PHACTR1: variants seen among roughly 807,000 people sequenced by gnomAD.
PHACTR1 encodes the protein RPEL repeat containing 1.
Under a neutral mutation model 69.2 loss-of-function variants are expected in PHACTR1, and 16 were observed. The observed-to-expected ratio is 0.23, with a 90% CI of 0.16 to 0.35. PHACTR1 has a LOEUF of 0.35. Among genes scored for constraint, PHACTR1 ranks in the 10% least tolerant of loss-of-function variants. The pLI, the probability that PHACTR1 is intolerant of heterozygous loss-of-function variation, is 1.00. For missense variants in PHACTR1, 510 were observed against 734.7 expected, an observed-to-expected ratio of 0.69 and a Z score of 3.54; for synonymous variants, 312 against 284.5, an observed-to-expected ratio of 1.10 and a Z score of -0.97.
At chr6:12,888,473 T>G (rs2127465052) in intron 4 of PHACTR1, among the ~76,000 whole-genome samples, 1 of 152,328 alleles carries the variant, frequency 6.6e-6, no homozygotes, top group South Asian at 2.1e-4. Context: ...AAGTTTTGAA[T>G]GGAAATCCAC....
chr6:13,251,573 C>T lies in PHACTR1; in HGVS notation c.1392-21287C>T, dbSNP rs145976030. Among the ~76,000 whole-genome samples, 37 of 151,934 alleles carry T rather than the reference C, an allele frequency of 2.4e-4. No homozygotes were observed. The East Asian group carries it at 5.0e-3, about 21-fold the overall frequency. On this transcript the variant is annotated intron_variant, in intron 10 of 14. Coordinates refer to ENST00000332995, the MANE Select transcript of PHACTR1 (RefSeq NM_030948.6). ...GTGTGTTGAGTGTATTTGATGTGACCGGAATGTGAGAAAATAAAACAAAAA... is the reference window on the plus strand; with the variant it reads ...GTGTGTTGAGTGTATTTGATGTGACTGGAATGTGAGAAAATAAAACAAAAA...
At chr6:12,805,307 T>A (rs1774176305) in intron 4 of PHACTR1, among the ~76,000 whole-genome samples, 1 of 152,244 alleles carries the variant, frequency 6.6e-6, no homozygotes, top group African/African-American at 2.4e-5. Context: ...TAAAATAATC[T>A]GGTTTACTTG....
At chr6:12,960,132 T>A (rs1286555652) in intron 4 of PHACTR1, among the ~76,000 whole-genome samples, 2 of 152,272 alleles carry the variant, frequency 1.3e-5, no homozygotes, top group Non-Finnish European at 2.9e-5. Flanking sequence ...AGAAAGTTTG[T>A]TGATCTTTCT....
chr6:13,034,222 T>A (rs1270040411), intron 4 of PHACTR1, among the ~76,000 whole-genome samples: 2 of 151,996 alleles, frequency 1.3e-5, no homozygotes, highest in African/African-American at 2.4e-5. Flanking sequence ...TTTCACCGTG[T>A]TAGCCAGGAT....
At chr6:12,962,629 T>C (rs989054256) in intron 4 of PHACTR1, among the ~76,000 whole-genome samples, 3 of 152,190 alleles carry the variant, frequency 2.0e-5, no homozygotes, top group African/African-American at 7.2e-5. Flanking sequence ...GGACCTTGTT[T>C]TATTGACTTC....
intron 4 of PHACTR1, among the ~76,000 whole-genome samples, chr6:13,001,301 AT>A (rs1429472571): frequency 1.3e-5 from 2 of 152,190 alleles, no homozygotes; most frequent in Admixed American, 1.3e-4. Context: ...GCTTTCGAGT[AT>A]TTTTTCATCA....
intron 4 of PHACTR1, among the ~76,000 whole-genome samples, chr6:12,766,949 T>C (rs986326985): frequency 6.6e-6 from 1 of 152,190 alleles, no homozygotes; most frequent in African/African-American, 2.4e-5. Context: ...GCATGTCTAT[T>C]GAAAATAGGC....
chr6:13,242,591 A>G (rs1453009680), intron 10 of PHACTR1, among the ~76,000 whole-genome samples: 1 of 152,206 alleles, frequency 6.6e-6, no homozygotes, highest in Non-Finnish European at 1.5e-5. Flanking sequence ...GTCTATATCA[A>G]TGAATTTGCA....
intron 3 of PHACTR1, among the ~76,000 whole-genome samples, chr6:12,731,723 C>T (rs1187906773): frequency 1.3e-5 from 2 of 152,206 alleles, no homozygotes; most frequent in Non-Finnish European, 1.5e-5. Flanking sequence ...GTCACAGCTA[C>T]TAGTAATGGA....
chr6:13,043,380 TAGAG>T, intron 4 of PHACTR1, among the ~76,000 whole-genome samples: 2 of 151,356 alleles, frequency 1.3e-5, no homozygotes, highest in African/African-American at 4.9e-5. Flanking sequence ...TGAACGGAGA[TAGAG>T]CCACTGAACT....
intron 3 of PHACTR1, among the ~76,000 whole-genome samples, chr6:12,726,356 A>T (rs1044596658): frequency 6.6e-6 from 1 of 152,178 alleles, no homozygotes; most frequent in East Asian, 1.9e-4. Context: ...AATTGAGCTG[A>T]GTTTAAAAGC....
chr6:13,004,137 G>GT (rs1798495778), intron 4 of PHACTR1, among the ~76,000 whole-genome samples: 1 of 151,332 alleles, frequency 6.6e-6, no homozygotes, highest in Non-Finnish European at 1.5e-5. Flanking sequence ...TATACACTCA[G>GT]TAGTAGGATT....
At chr6:12,808,286 T>G (rs1774584917) in intron 4 of PHACTR1, among the ~76,000 whole-genome samples, 1 of 152,168 alleles carries the variant, frequency 6.6e-6, no homozygotes, top group Admixed American at 6.5e-5. Flanking sequence ...CTTGGATAGG[T>G]TTAAAAGTAT....
At chr6:13,266,032 G>A (rs1296639228) in intron 10 of PHACTR1, among the ~76,000 whole-genome samples, 2 of 152,142 alleles carry the variant, frequency 1.3e-5, no homozygotes, top group Admixed American at 1.3e-4. Flanking sequence ...TGTCTCAGGA[G>A]CATTCTGATG....
At chr6:12,970,557 G>A (rs1360148903) in intron 4 of PHACTR1, among the ~76,000 whole-genome samples, 2 of 152,294 alleles carry the variant, frequency 1.3e-5, no homozygotes, top group Admixed American at 6.5e-5. Context: ...TCAGGAGATC[G>A]AGATCATCCT....
At chr6:12,913,048 C>A (rs888446275) in intron 4 of PHACTR1, among the ~76,000 whole-genome samples, 1 of 152,170 alleles carries the variant, frequency 6.6e-6, no homozygotes, top group African/African-American at 2.4e-5. Context: ...ATACCTGTTC[C>A]CCTATCTCCC....
chr6:12,824,924 G>A (rs971766013), intron 4 of PHACTR1, among the ~76,000 whole-genome samples: 17 of 152,170 alleles, frequency 1.1e-4, no homozygotes, highest in African/African-American at 4.1e-4. Flanking sequence ...TGTGCTCTCT[G>A]TGCTGGGGTT....
At chr6:13,190,785 G>C (rs937813487) in intron 7 of PHACTR1, among the ~76,000 whole-genome samples, 1 of 150,290 alleles carries the variant, frequency 6.7e-6, no homozygotes, top group Non-Finnish European at 1.5e-5. Flanking sequence ...ACAGTGGTTA[G>C]AATTCAAAAT....
At chr6:13,182,348 C>A (rs953475223) in intron 6 of PHACTR1, among the ~76,000 whole-genome samples, 171 bp from the exon 7 acceptor site, 1 of 152,184 alleles carries the variant, frequency 6.6e-6, no homozygotes, top group Admixed American at 6.5e-5. Flanking sequence ...GATGATTAGA[C>A]AACATATCTC....
Sources: allele counts gnomAD v4.1 joint callset (sites outside exome capture counted in the v4.1 genomes callset), GRCh38; gene constraint gnomAD v4.1.1; transcripts MANE v1.5; gene names NCBI Gene and HGNC (gene_info 2026-07-23, HGNC 2026-07-21).